DHRS2: variants seen among roughly 807,000 people sequenced by gnomAD.
DHRS2 encodes the protein dehydrogenase/reductase SDR family member 2, mitochondrial.
A neutral mutation model predicts 26.3 loss-of-function variants in DHRS2; 29 were observed. That is an observed-to-expected ratio of 1.10 (90% CI 0.82 to 1.50). DHRS2 has a LOEUF of 1.50. DHRS2 is among the 40% of genes most tolerant of loss of function. The probability of loss-of-function intolerance (pLI) is 0.00; values close to 1 mark genes in which losing one functional copy is unlikely to be tolerated. For missense variants in DHRS2, 439 were observed against 367.1 expected (o/e 1.20, Z -1.60); for synonymous variants, 164 against 151.3 (o/e 1.08, Z -0.62).
intron 1 of DHRS2, chr14:23,638,342 C>G (rs1263597126): frequency 5.6e-6 from 1 of 177,830 alleles, no homozygotes; most frequent in African/African-American, 2.4e-5. Flanking sequence ...TTGCGAGGGT[C>G]CGTGGCTTCA....
chr14:23,644,191 T>A (rs759442310), intron 6 of DHRS2, 29 bp downstream of exon 6: 2 of 1,612,792 alleles, frequency 1.2e-6, no homozygotes, highest in African/African-American at 1.3e-5. Flanking sequence ...TGCTCCTGAG[T>A]GGTATAGGGT....
exon 1 of DHRS2, chr14:23,630,177 C>A (rs1049371139): frequency 6.6e-6 from 1 of 152,284 alleles, no homozygotes; most frequent in Non-Finnish European, 1.5e-5. Flanking sequence ...TACTCAGCTG[C>A]AGACTGCCTG....
rs116189534 is a variant in DHRS2, at chr14:23,639,856, A to G, written c.381A>G (p.Val127=). ...GCAGCGCAGGGGTCAACCCTCTGGT[A>G]GGGAGCACTCTGGGGACCAGTGAGC... ...LVCSAGVNPL[V]GSTLGTSEQI... is the part of the protein sequence containing the mutation. The change falls in exon 4 of 9, where the codon GTA becomes GTG. Residue 127 remains valine (V), a synonymous_variant. Transcript: ENST00000250383. The G allele has an allele frequency of 6.0e-4, 970 of 1,609,920 alleles. 5 individuals carry two copies. In the African/African-American group the frequency reaches 0.012, roughly 19 times the overall value.
At position 23,645,245 on chromosome 14, in the gene DHRS2, C is replaced by A. The variant is rs61743862; in HGVS notation, c.835C>A (p.Arg279=). ...ENIAVAGYST[R]L is the part of the protein sequence containing the mutation. Reference sequence around the variant, plus strand: ...CATTGCGGTGGCAGGCTACTCCACTCGGCTCTGAGAGGAGTGGGGGCGGCT... The same window carrying A: ...CATTGCGGTGGCAGGCTACTCCACTAGGCTCTGAGAGGAGTGGGGGCGGCT... The change falls in exon 9 of 9, where the codon CGG becomes AGG. Residue 279 remains arginine (R), a synonymous_variant. Coordinates refer to ENST00000250383, the MANE Select transcript of DHRS2 (RefSeq NM_005794.4). 2.8e-3 allele frequency: 4,536 copies of A among 1,614,102 alleles called. 14 individuals carry two copies. Among genetic ancestry groups the A allele is most frequent in the Non-Finnish European group, 3.6e-3 (4,212 of 1,180,020 alleles).
At chr14:23,643,924 C>T (rs948003913) in intron 5 of DHRS2, 187 bp from the exon 6 acceptor site, 1 of 623,566 alleles carries the variant, frequency 1.6e-6, no homozygotes. Context: ...GCATGGAATC[C>T]TAGCTCTGCC....
chr14:23,639,375 G>A lies in DHRS2; in HGVS notation c.318+19G>A, dbSNP rs1399268820. ...GGCCAAGGTGAGGGGGCAGGCGGTG[G>A]AAGGACACAGAGAGGGGAACATGCA... On this transcript the variant is annotated intron_variant, in intron 3 of 8. Coordinates refer to ENST00000250383, the MANE Select transcript of DHRS2 (RefSeq NM_005794.4). 5 of 1,553,760 alleles carry A rather than the reference G, an allele frequency of 3.2e-6. No individual in the cohort carries two copies. In the African/African-American group the frequency reaches 4.1e-5, roughly 13 times the overall value.
At chr14:23,631,991 C>T (rs896914618), upstream of DHRS2, among the ~76,000 whole-genome samples, 7 of 152,192 alleles carry the variant, frequency 4.6e-5, no homozygotes, top group Admixed American at 1.3e-4. Context: ...GGTCAGCTTT[C>T]CTGCAAACCA....
chr14:23,631,827 G>A (rs947583927), upstream of DHRS2, among the ~76,000 whole-genome samples: 17 of 152,206 alleles, frequency 1.1e-4, no homozygotes, highest in Non-Finnish European at 1.0e-4. Context: ...GGGTGAACCA[G>A]AGGCCTTGGA....
Position 23,639,336 on chromosome 14 carries a change from C to G in DHRS2, c.298C>G (p.Arg100Gly). ...IVCHVGKAED[R>G]EQLVAKALEH... ...GTGCCACGTGGGGAAGGCTGAGGAC[C>G]GGGAGCAGCTGGTGGCCAAGGTGAG... Residue 100 changes from arginine (R) to glycine (G), a missense_variant, in exon 3 of 9, where the codon CGG becomes GGG. Physicochemically the swap from Arg to Gly is moderately radical, Grantham distance 125. Coordinates refer to ENST00000250383, the MANE Select transcript of DHRS2 (RefSeq NM_005794.4). 2 of 1,572,834 alleles carry G rather than the reference C, an allele frequency of 1.3e-6. No homozygotes were observed. The highest frequency in any genetic ancestry group is 8.6e-7 in the Non-Finnish European group (1 of 1,160,294).
chr14:23,643,253 T>G (rs749658634), intron 5 of DHRS2, 34 bp downstream of exon 5: 3 of 1,606,232 alleles, frequency 1.9e-6, no homozygotes, highest in East Asian at 4.5e-5. Context: ...CCAGTCGGAG[T>G]TGGGGACCTG....
upstream of DHRS2, among the ~76,000 whole-genome samples, chr14:23,635,208 A>T (rs997092669): frequency 6.6e-6 from 1 of 152,046 alleles, no homozygotes; most frequent in Non-Finnish European, 1.5e-5. Flanking sequence ...GACTACAGGC[A>T]TGCACCACCA....
At position 23,643,180 on chromosome 14, in the gene DHRS2, C is replaced by A; in HGVS notation, c.449C>A (p.Ala150Asp). 6.2e-7 allele frequency: 1 copy of A among 1,614,076 alleles called. No homozygotes were observed. Among genetic ancestry groups the A allele is most frequent in the Non-Finnish European group, 8.5e-7 (1 of 1,180,012 alleles). ...CTAAGTGTGAACGTGAAGTCCCCAG[C>A]CCTGCTGCTGAGCCAGTTGCTGCCC... ...KILSVNVKSP[A>D]LLLSQLLPYM... The change falls in exon 5 of 9, where the codon GCC (alanine) becomes GAC (aspartate). Residue 150 changes from alanine (A) to aspartate (D), a missense_variant. Transcript: ENST00000250383.
chr14:23,638,848 C>G lies in DHRS2; in HGVS notation c.-17C>G. The G allele has an allele frequency of 2.5e-6, 4 of 1,611,146 alleles. No homozygotes were observed. The highest frequency in any genetic ancestry group is 1.7e-6 in the Non-Finnish European group (2 of 1,178,170). The stretch of plus-strand genomic sequence containing the variant: ...CCAGGCCTGATTCAGCAGGAAGCAT[C>G]TCAGACACCAACCACTATGCTGTCA... On this transcript the variant is annotated 5_prime_UTR_variant, in exon 2 of 9. The change creates a new upstream start codon in the 5' untranslated region. Transcript: ENST00000250383.
intron 4 of DHRS2, chr14:23,641,758 G>A (rs1034401207): frequency 7.8e-7 from 1 of 1,289,114 alleles, no homozygotes; most frequent in African/African-American, 1.5e-5. Context: ...CATCAAATGG[G>A]CCACAGCAAC....
rs919315670 is a variant in DHRS2, at chr14:23,645,422, T to G, written c.*169T>G. ...GAAGAAAAACGCTTCGGCATTCTCCTTAGGACTTATCTGCTTGTAGATTTG... is the reference window on the plus strand; with the variant it reads ...GAAGAAAAACGCTTCGGCATTCTCCGTAGGACTTATCTGCTTGTAGATTTG... On this transcript the variant is annotated 3_prime_UTR_variant, in exon 9 of 9. Coordinates refer to ENST00000250383, the MANE Select transcript of DHRS2 (RefSeq NM_005794.4). 38 of 1,380,472 alleles carry G rather than the reference T, an allele frequency of 2.8e-5. No individual in the cohort carries two copies. In the Admixed American group the frequency reaches 3.9e-4, roughly 14 times the overall value. The allele number at this position is 1,380,472 out of a possible 1,614,324, so 85.5% of individuals were successfully genotyped here. A position where few individuals can be genotyped will look rare whatever the true frequency, so the allele number is the denominator to read the frequency against.
chr14:23,632,858 C>G (rs1324438523), upstream of DHRS2, among the ~76,000 whole-genome samples: 2 of 152,228 alleles, frequency 1.3e-5, no homozygotes, highest in Non-Finnish European at 2.9e-5. Flanking sequence ...GAGCCTGCCT[C>G]TCTTCACCTT....
chr14:23,638,339 G>A (rs147267218), intron 1 of DHRS2: 2,091 of 172,758 alleles, frequency 0.012, 36 homozygotes, highest in African/African-American at 0.048. Context: ...TCATTGCGAG[G>A]GTCCGTGGCT....
chr14:23,640,589 G>A (rs1489068520), intron 4 of DHRS2: 5 of 266,652 alleles, frequency 1.9e-5, no homozygotes, highest in African/African-American at 2.3e-5. Context: ...AGAATGCGTC[G>A]TGATGAATCT....
At chr14:23,641,797 A>T in intron 4 of DHRS2, 1 of 1,283,998 alleles carries the variant, frequency 7.8e-7, no homozygotes, top group South Asian at 1.3e-5. Context: ...TCCTTCCCAC[A>T]TCCAAGGGAT....
Sources: gnomAD v4.1 joint callset for allele counts (sites outside exome capture counted in the v4.1 genomes callset) on GRCh38, gnomAD v4.1.1 for gene constraint, MANE v1.5 for transcripts, NCBI Gene and HGNC (gene_info 2026-07-23, HGNC 2026-07-21) for gene names.